PPIG: variants seen among roughly 807,000 people sequenced by gnomAD.
PPIG encodes peptidylprolyl isomerase G.
PPIG carries 26 observed loss-of-function variants against 87.9 expected under a neutral mutation model. The ratio of observed to expected loss-of-function variants is 0.30; its 90% CI spans 0.22 to 0.41. The LOEUF (loss-of-function observed/expected upper bound fraction) is 0.41. Among genes scored for constraint, PPIG ranks in the 10% least tolerant of loss-of-function variants. PPIG has a pLI of 1.00. For missense variants in PPIG, 722 were observed against 879.4 expected (o/e 0.82, Z 2.26); for synonymous variants, 308 against 276.5 (o/e 1.11, Z -1.13).
At chr2:169,585,268 G>GTTTTTTTTTTTT (rs1476229562) in intron 1 of PPIG, among the ~76,000 whole-genome samples, 6 of 22,108 alleles carry the variant, frequency 2.7e-4, no homozygotes, top group Admixed American at 1.5e-3. Flanking sequence ...TTCTTGGTTA[G>GTTTTTTTTTTTT]TCTTTTTTTT....
intron 7 of PPIG, among the ~76,000 whole-genome samples, chr2:169,613,715 AC>A (rs1685547594): frequency 6.6e-6 from 1 of 152,092 alleles, no homozygotes; most frequent in Non-Finnish European, 1.5e-5. Context: ...GATCGCTTGA[AC>A]CCAGGTTTGA....
chr2:169,627,611 C>T (rs1013000536), intron 9 of PPIG, among the ~76,000 whole-genome samples: 14 of 151,664 alleles, frequency 9.2e-5, no homozygotes, highest in Admixed American at 6.6e-5. Flanking sequence ...ACTGCAGCCT[C>T]GACCTCCCAG....
chr2:169,625,054 A>G (rs1213257698), intron 9 of PPIG, among the ~76,000 whole-genome samples: 1 of 152,222 alleles, frequency 6.6e-6, no homozygotes, highest in Non-Finnish European at 1.5e-5. Context: ...AAATCAAGCT[A>G]TTTAACATAG....
In PPIG at chr2:169,637,419, G is replaced by A. The variant is rs1470882457; in HGVS notation, c.2161G>A (p.Glu721Lys). The A allele has an allele frequency of 3.7e-6, 6 of 1,612,140 alleles. No individual in the cohort carries two copies. The South Asian group carries it at 5.5e-5, about 15-fold the overall frequency. The change falls in exon 14 of 14, where the codon GAA becomes AAA. Residue 721 changes from glutamate to lysine, a missense_variant. Glu to Lys is a moderately conservative substitution (Grantham distance 56, BLOSUM62 1). Around this residue, in one of 4 missense-constraint regions of PPIG, gnomAD observed 476 missense variants for 483.1 expected, o/e 0.99. Coordinates refer to ENST00000260970, the MANE Select transcript of PPIG (RefSeq NM_004792.3). Reference sequence around the variant, plus strand: ...GAAGATCAGATCCTCAGTGGAAAAAGAAAACCAAAAATCAAAAGGTCAAGA... The same window carrying A: ...GAAGATCAGATCCTCAGTGGAAAAAAAAAACCAAAAATCAAAAGGTCAAGA... ...DEKIRSSVEK[E>K]NQKSKGQEND...
At chr2:169,595,772 G>A (rs539883994) in intron 1 of PPIG, among the ~76,000 whole-genome samples, 4 of 152,174 alleles carry the variant, frequency 2.6e-5, no homozygotes, top group South Asian at 4.1e-4. Flanking sequence ...ATAGTACTCC[G>A]TTGTGTATAT....
rs527458714 is a variant in PPIG at position 169,641,241 on chromosome 2, T to C, written c.*3718T>C. On this transcript the variant is annotated 3_prime_UTR_variant, in exon 14 of 14. Transcript: ENST00000260970. ...TTTTAATGAAGTTTAGAAAAAAAGC[T>C]GTTGTCTTCTCAATTGTAAAATTAG... 6.6e-5 allele frequency: 10 copies of C among 152,318 alleles called. No homozygotes were observed. Among genetic ancestry groups the C allele is most frequent in the Admixed American group, 3.9e-4 (6 of 15,282 alleles). The allele number at this position is 152,318 out of a possible 1,614,324, so 9.4% of individuals were successfully genotyped here.
intron 9 of PPIG, among the ~76,000 whole-genome samples, chr2:169,619,019 G>A (rs1051959182): frequency 5.9e-5 from 9 of 152,028 alleles, no homozygotes; most frequent in Admixed American, 6.6e-5. Context: ...GGCATTTAGT[G>A]CTATAAATTT....
At chr2:169,590,879 C>T (rs138644332) in intron 1 of PPIG, among the ~76,000 whole-genome samples, 368 of 149,460 alleles carry the variant, frequency 2.5e-3, no homozygotes, top group African/African-American at 8.6e-3. Context: ...TGGTGGCTCA[C>T]GCCTTTAGTC....
chr2:169,588,191 T>C (rs1024581264), intron 1 of PPIG, among the ~76,000 whole-genome samples: 42 of 152,218 alleles, frequency 2.8e-4, no homozygotes, highest in African/African-American at 9.9e-4. Context: ...AATAAAAATA[T>C]GAATGATTCC....
chr2:169,640,657 A>G lies in PPIG; in HGVS notation c.*3134A>G, dbSNP rs1479805984. ...ACTGTAATTATTTCATTTTGGATTTATACATTTACAATTGAATAAGGATTA... is the reference window on the plus strand; with the variant it reads ...ACTGTAATTATTTCATTTTGGATTTGTACATTTACAATTGAATAAGGATTA... On this transcript the variant is annotated 3_prime_UTR_variant, in exon 14 of 14. Transcript: ENST00000260970. The G allele has an allele frequency of 6.6e-6, 1 of 152,196 alleles. No homozygotes were observed. Among genetic ancestry groups the G allele is most frequent in the African/African-American group, 2.4e-5 (1 of 41,446 alleles). 9.4% of individuals were successfully genotyped at this position (152,196 alleles called of 1,614,324 possible).
At chr2:169,624,642 C>T (rs1317147616) in intron 9 of PPIG, among the ~76,000 whole-genome samples, 1 of 152,176 alleles carries the variant, frequency 6.6e-6, no homozygotes, top group African/African-American at 2.4e-5. Flanking sequence ...GGCTGGAGTG[C>T]AGTGGTGCGT....
chr2:169,636,534 G>A lies in PPIG; in HGVS notation c.1276G>A (p.Val426Ile). The change falls in exon 14 of 14, where the codon GTT becomes ATT. Residue 426 changes from valine (V) to isoleucine (I), a missense_variant. By Grantham distance (29) the Val-to-Ile change is conservative (BLOSUM62 3). This residue lies in a region of PPIG where 476 missense variants were observed against 483.1 expected (regional missense o/e 0.99). Coordinates refer to ENST00000260970, the MANE Select transcript of PPIG (RefSeq NM_004792.3). ...CAGAAAAAATGAAAAGGAGAAGAAAGTTAAAGACCATAAATCTAACAGCAA... is the reference window on the plus strand; with the variant it reads ...CAGAAAAAATGAAAAGGAGAAGAAAATTAAAGACCATAAATCTAACAGCAA... ...PNRKNEKEKK[V>I]KDHKSNSKER... 6.2e-7 allele frequency: 1 copy of A among 1,609,510 alleles called. No homozygotes were observed.
intron 1 of PPIG, among the ~76,000 whole-genome samples, chr2:169,588,958 C>CAAAAAAAAAAAAAAAAAAAAAAAAA (rs549776875): frequency 1.5e-5 from 1 of 68,410 alleles, no homozygotes. Flanking sequence ...AACTCCCTCT[C>CAAAAAAAAAAAAAAAAAAAAAAAAA]AAAAAAAAAA....
chr2:169,592,135 C>G (rs1468342202), intron 1 of PPIG, among the ~76,000 whole-genome samples: 1 of 149,846 alleles, frequency 6.7e-6, no homozygotes, highest in East Asian at 2.0e-4. Flanking sequence ...TTGCTGTTGC[C>G]CAGGCTGGTC....
chr2:169,586,483 A>G lies in PPIG; in HGVS notation c.-70+1993A>G, dbSNP rs940778694. ...AAAATTGTGTGTGAAGTTGGCTTTC[A>G]TTAACTCAGTGGTTCCTTTATGGGT... On this transcript the variant is annotated intron_variant, in intron 1 of 13. Transcript: ENST00000260970. Among the ~76,000 whole-genome samples the G allele has an allele frequency of 3.3e-5, 5 of 152,366 alleles. No individual in the cohort carries two copies. In the South Asian group the frequency reaches 1.0e-3, roughly 32 times the overall value.
intron 11 of PPIG, among the ~76,000 whole-genome samples, chr2:169,632,585 C>A (rs1055582447): frequency 4.1e-4 from 62 of 151,468 alleles, no homozygotes; most frequent in African/African-American, 1.5e-3. Flanking sequence ...ACTAAAAATA[C>A]AAAAAATTAG....
chr2:169,635,112 G>A (rs1170813704), intron 12 of PPIG, among the ~76,000 whole-genome samples: 1 of 152,044 alleles, frequency 6.6e-6, no homozygotes, highest in African/African-American at 2.4e-5. Flanking sequence ...AAATAGTTTT[G>A]ACCCCGAGTC....
intron 4 of PPIG, among the ~76,000 whole-genome samples, chr2:169,604,567 T>C (rs1034118842): frequency 6.6e-6 from 1 of 152,116 alleles, no homozygotes; most frequent in Admixed American, 6.5e-5. Flanking sequence ...GGCGTGAAAG[T>C]AATTCTTAGA....
chr2:169,592,678 G>A (rs907849838), intron 1 of PPIG, among the ~76,000 whole-genome samples: 2 of 152,086 alleles, frequency 1.3e-5, no homozygotes, highest in Admixed American at 1.3e-4. Context: ...GGGCTCAAGT[G>A]ATCCTCCTCC....
Sources: gnomAD v4.1 joint callset for allele counts (sites outside exome capture counted in the v4.1 genomes callset) on GRCh38, gnomAD v4.1.1 for gene constraint, gnomAD v4.1.1 regional missense constraint, MANE v1.5 for transcripts, NCBI Gene and HGNC (gene_info 2026-07-23, HGNC 2026-07-21) for gene names.